The following SLC22A14 variants were observed in gnomAD, a reference collection of about 807,000 sequenced individuals.
SLC22A14 encodes organic cation transporter-like 4.
A neutral mutation model predicts 53.9 loss-of-function variants in SLC22A14; 50 were observed. That is an observed-to-expected ratio of 0.93 (90% CI 0.74 to 1.17). The LOEUF (loss-of-function observed/expected upper bound fraction) is 1.17. SLC22A14 is among the 50% of genes most tolerant of loss of function. The pLI, the probability that SLC22A14 is intolerant of heterozygous loss-of-function variation, is 0.00. For missense variants in SLC22A14, 671 were observed against 734.7 expected, an observed-to-expected ratio of 0.91 and a Z score of 1.00; for synonymous variants, 312 against 303.0, an observed-to-expected ratio of 1.03 and a Z score of -0.31.
rs769591300 is a variant in SLC22A14 at position 38,315,720 on chromosome 3, T to C, written c.1532+9T>C. 8 of 1,608,686 alleles carry C rather than the reference T, an allele frequency of 5.0e-6. No individual in the cohort carries two copies. In the South Asian group the frequency reaches 5.5e-5, roughly 11 times the overall value. ...CTCCCCACTGTGCTCAGGTATGGGG[T>C]CTGGTGGGCGAGGGGGCCATGGGGA... On this transcript the variant is annotated intron_variant, in intron 9 of 10. Coordinates refer to ENST00000448498, the MANE Select transcript of SLC22A14 (RefSeq NM_001320033.2).
At position 38,288,303 on chromosome 3, in the gene SLC22A14, A is replaced by G. The variant is rs545593271; in HGVS notation, c.-1+5964A>G. Among the ~76,000 whole-genome samples the G allele has an allele frequency of 4.6e-5, 7 of 152,328 alleles. No homozygotes were observed. In the South Asian group the frequency reaches 1.4e-3, roughly 32 times the overall value. ...GGCTGATCTATATTCCATTGTATGT[A>G]TACACCACACTTTCTTTATCCATTC... On this transcript the variant is annotated intron_variant, in intron 1 of 10. Coordinates refer to ENST00000448498, the MANE Select transcript of SLC22A14 (RefSeq NM_001320033.2).
At chr3:38,291,254 T>A (rs902096953) in intron 1 of SLC22A14, among the ~76,000 whole-genome samples, 1 of 152,144 alleles carries the variant, frequency 6.6e-6, no homozygotes, top group Non-Finnish European at 1.5e-5. Flanking sequence ...AGTATACAAG[T>A]TGAGGTCGGG....
In SLC22A14 at chr3:38,309,140, G is replaced by A. The variant is rs748499736; in HGVS notation, c.944+18G>A. The A allele has an allele frequency of 6.2e-7, 1 of 1,607,220 alleles. No homozygotes were observed. The highest frequency in any genetic ancestry group is 1.7e-5 in the Admixed American group (1 of 60,004). Reference sequence around the variant, plus strand: ...TATATCTGGTGAGCAAGCGAGTACCGGGCATGTACAGGGCTGGGTCTGATG... The same window carrying A: ...TATATCTGGTGAGCAAGCGAGTACCAGGCATGTACAGGGCTGGGTCTGATG... On this transcript the variant is annotated intron_variant, in intron 5 of 10. Transcript: ENST00000448498.
chr3:38,289,619 G>T (rs566993158), intron 1 of SLC22A14, among the ~76,000 whole-genome samples: 1 of 152,306 alleles, frequency 6.6e-6, no homozygotes, highest in South Asian at 2.1e-4. Flanking sequence ...CCAGCTACTA[G>T]TGTTCAGCTC....
chr3:38,295,108 T>G (rs1021653833), intron 1 of SLC22A14, among the ~76,000 whole-genome samples: 9 of 152,312 alleles, frequency 5.9e-5, no homozygotes, highest in Admixed American at 2.0e-4. Flanking sequence ...GTGGTTTTTT[T>G]CTCAATCACC....
At chr3:38,306,709 G>A (rs892157061) in intron 2 of SLC22A14, among the ~76,000 whole-genome samples, 167 bp downstream of exon 2, 2 of 152,208 alleles carry the variant, frequency 1.3e-5, no homozygotes, top group African/African-American at 4.8e-5. Flanking sequence ...CTGTTGCCCA[G>A]CCCTGGCCCT....
In SLC22A14 at chr3:38,308,913, C is replaced by G. The variant is rs754852634; in HGVS notation, c.776-41C>G. 4 of 1,596,612 alleles carry G rather than the reference C, an allele frequency of 2.5e-6. No individual in the cohort carries two copies. The South Asian group carries it at 3.4e-5, about 14-fold the overall frequency. On this transcript the variant is annotated intron_variant, in intron 4 of 10. Coordinates refer to ENST00000448498, the MANE Select transcript of SLC22A14 (RefSeq NM_001320033.2). ...TGGATGCAAGGGCAGCCCTGGGGAC[C>G]CTGACGTAACCATGGTTTTGTCCTC... is the stretch of plus-strand genomic sequence containing the variant.
intron 1 of SLC22A14, among the ~76,000 whole-genome samples, chr3:38,304,120 G>A (rs575262976): frequency 7.3e-5 from 11 of 149,760 alleles, no homozygotes; most frequent in Non-Finnish European, 1.3e-4. Flanking sequence ...GAACCTGGGA[G>A]GCAGAGCTTG....
chr3:38,314,625 C>T (rs114958783), intron 8 of SLC22A14, among the ~76,000 whole-genome samples: 2,432 of 152,292 alleles, frequency 0.016, 42 homozygotes, highest in Non-Finnish European at 0.019. Flanking sequence ...CTTTCACAGT[C>T]GCAGCAAGGG....
intron 1 of SLC22A14, among the ~76,000 whole-genome samples, chr3:38,298,660 A>G (rs1378823042): frequency 1.3e-5 from 2 of 152,014 alleles, no homozygotes; most frequent in African/African-American, 2.4e-5. Flanking sequence ...GGTTCAAGCA[A>G]TTCTCCGCCT....
intron 8 of SLC22A14, 132 bp from the exon 9 acceptor site, chr3:38,315,426 C>A: frequency 1.0e-6 from 1 of 963,516 alleles, no homozygotes. Context: ...GGGCCTCTGA[C>A]AACCTGCCAC....
At chr3:38,301,725 C>T (rs1158969986) in intron 1 of SLC22A14, among the ~76,000 whole-genome samples, 3 of 150,548 alleles carry the variant, frequency 2.0e-5, no homozygotes, top group Non-Finnish European at 4.4e-5. Context: ...AAAAGGGATA[C>T]TTTTAATGTT....
chr3:38,293,156 C>G (rs994155764), intron 1 of SLC22A14, among the ~76,000 whole-genome samples: 8 of 152,202 alleles, frequency 5.3e-5, no homozygotes, highest in African/African-American at 1.9e-4. Flanking sequence ...GGACCTTCAT[C>G]CCCTGGGGCA....
rs555296860 is a variant in SLC22A14, at chr3:38,299,240, A to G, written c.1-6787A>G. Among the ~76,000 whole-genome samples the G allele has an allele frequency of 2.6e-5, 4 of 152,254 alleles. No homozygotes were observed. The South Asian group carries it at 8.3e-4, about 32-fold the overall frequency. On this transcript the variant is annotated intron_variant, in intron 1 of 10. Coordinates refer to ENST00000448498, the MANE Select transcript of SLC22A14 (RefSeq NM_001320033.2). Reference sequence around the variant, plus strand: ...ATGTGAAACCTTACTAAGGTTCTAAAATCAGAATTACACAAAAAGCTATAC... The same window carrying G: ...ATGTGAAACCTTACTAAGGTTCTAAGATCAGAATTACACAAAAAGCTATAC...
chr3:38,302,332 A>T (rs1397715256), intron 1 of SLC22A14, among the ~76,000 whole-genome samples: 1 of 146,726 alleles, frequency 6.8e-6, no homozygotes, highest in African/African-American at 2.5e-5. Context: ...ATATATATTT[A>T]TATATATATT....
At chr3:38,309,163 A>G in intron 5 of SLC22A14, 41 bp downstream of exon 5, 2 of 1,548,862 alleles carry the variant, frequency 1.3e-6, no homozygotes, top group South Asian at 1.1e-5. Flanking sequence ...GCTGGGTCTG[A>G]TGGGCTGGAT....
Position 38,307,801 on chromosome 3 carries a change from CAGG to C in SLC22A14, c.775+82_775+84del, listed in dbSNP as rs1704352800. The stretch of plus-strand genomic sequence containing the variant: ...GGCGGGTGACAAGGGGACATAGTGG[CAGG>C]GGGCGTGGCGGCATAGGCAGATGGC... On this transcript the variant is annotated intron_variant, in intron 4 of 10. Transcript: ENST00000448498. The surrounding 1 kb of genome is among the most constrained non-coding windows in gnomAD (Gnocchi z 4.4). 4.7e-6 allele frequency: 7 copies of C among 1,502,690 alleles called. No homozygotes were observed. The South Asian group carries it at 7.1e-5, about 15-fold the overall frequency. The allele number at this position is 1,502,690 out of a possible 1,614,324, so 93.1% of individuals were successfully genotyped here. A position where few individuals can be genotyped will look rare whatever the true frequency, so the allele number is the denominator to read the frequency against.
chr3:38,316,285 C>G lies in SLC22A14; in HGVS notation c.1533-39C>G, dbSNP rs149688650. Reference sequence around the variant, plus strand: ...GCTGGCCCTGCCCAGCCTCTGAACCCGGCAGACCCCTCACAGGAGCTCTCA... The same window carrying G: ...GCTGGCCCTGCCCAGCCTCTGAACCGGGCAGACCCCTCACAGGAGCTCTCA... On this transcript the variant is annotated intron_variant, in intron 9 of 10. Coordinates refer to ENST00000448498, the MANE Select transcript of SLC22A14 (RefSeq NM_001320033.2). The G allele has an allele frequency of 6.3e-6, 10 of 1,598,418 alleles. No individual in the cohort carries two copies. In the South Asian group the frequency reaches 9.9e-5, roughly 16 times the overall value.
At chr3:38,303,101 T>C (rs1159928826) in intron 1 of SLC22A14, among the ~76,000 whole-genome samples, 1 of 152,088 alleles carries the variant, frequency 6.6e-6, no homozygotes, top group East Asian at 1.9e-4. Flanking sequence ...AAAAGACTTA[T>C]TTGTATCTTC....
Sources: allele counts gnomAD v4.1 joint callset (sites outside exome capture counted in the v4.1 genomes callset), GRCh38; gene constraint gnomAD v4.1.1; non-coding constraint Gnocchi (gnomAD v3.1); transcripts MANE v1.5; gene names NCBI Gene and HGNC (gene_info 2026-07-23, HGNC 2026-07-21).